Variants in CACNG3 observed in about 807,000 individuals in gnomAD.
CACNG3 encodes the protein voltage-dependent calcium channel gamma-3 subunit.
In CACNG3, 3 loss-of-function variants were observed where a neutral mutation model predicts 28.5. The observed-to-expected ratio is 0.11, with a 90% CI of 0.05 to 0.27. The LOEUF (loss-of-function observed/expected upper bound fraction) is 0.27, where lower values mean the gene tolerates loss of function less well. CACNG3 is among the 10% of genes least tolerant of loss of function. The pLI is 1.00. For missense variants in CACNG3, 236 were observed against 414.4 expected, an observed-to-expected ratio of 0.57 and a Z score of 3.74; for synonymous variants, 174 against 162.2, an observed-to-expected ratio of 1.07 and a Z score of -0.55.
At chr16:24,304,619 G>A (rs1899160096) in intron 1 of CACNG3, among the ~76,000 whole-genome samples, 1 of 152,146 alleles carries the variant, frequency 6.6e-6, no homozygotes, top group Non-Finnish European at 1.5e-5. Context: ...TGTTGCCCAA[G>A]CTGGAGTGCA....
chr16:24,357,391 G>A (rs1482026721), intron 3 of CACNG3, among the ~76,000 whole-genome samples: 1 of 152,108 alleles, frequency 6.6e-6, no homozygotes, highest in Non-Finnish European at 1.5e-5. Flanking sequence ...TTTGGGTGGG[G>A]ACAGAGAGCC....
At chr16:24,347,070 C>T (rs775151801) in intron 2 of CACNG3, among the ~76,000 whole-genome samples, 5 of 152,182 alleles carry the variant, frequency 3.3e-5, no homozygotes, top group Non-Finnish European at 7.3e-5. Context: ...AATCCCAGCA[C>T]TCTGGGAGGC....
At chr16:24,317,520 A>G (rs1386546571) in intron 1 of CACNG3, among the ~76,000 whole-genome samples, 11 of 147,870 alleles carry the variant, frequency 7.4e-5, no homozygotes, top group African/African-American at 1.0e-4. Flanking sequence ...AGCTTGGGTG[A>G]CAGAGGGAGA....
At chr16:24,278,293 C>T (rs532060676) in intron 1 of CACNG3, among the ~76,000 whole-genome samples, 2 of 152,236 alleles carry the variant, frequency 1.3e-5, no homozygotes, top group African/African-American at 4.8e-5. Context: ...CTTGGGGGAA[C>T]ATCCATGCAT....
intron 1 of CACNG3, among the ~76,000 whole-genome samples, chr16:24,288,778 T>C (rs931956568): frequency 1.3e-5 from 2 of 152,094 alleles, no homozygotes; most frequent in Non-Finnish European, 2.9e-5. Flanking sequence ...AAAGCAAGGC[T>C]CCCATTTGTT....
chr16:24,283,208 G>T (rs1355720698), intron 1 of CACNG3, among the ~76,000 whole-genome samples: 3 of 152,010 alleles, frequency 2.0e-5, no homozygotes, highest in African/African-American at 7.2e-5. Context: ...ATTTGGTTTT[G>T]CTAGCAAATA....
At chr16:24,333,332 A>C (rs1020421321) in intron 1 of CACNG3, 1 of 152,176 alleles carries the variant, frequency 6.6e-6, no homozygotes, top group African/African-American at 2.4e-5. Context: ...AGTTGGAAGC[A>C]TGTTTTCGGA....
intron 1 of CACNG3, among the ~76,000 whole-genome samples, chr16:24,308,862 A>G (rs1024281785): frequency 1.1e-4 from 17 of 149,788 alleles, no homozygotes; most frequent in African/African-American, 4.0e-4. Context: ...AAAAAAAAAA[A>G]AAAAAGAAAA....
chr16:24,326,901 G>T (rs1217566618), intron 1 of CACNG3, among the ~76,000 whole-genome samples: 1 of 151,954 alleles, frequency 6.6e-6, no homozygotes, highest in East Asian at 1.9e-4. Flanking sequence ...CCATGATCTC[G>T]CTCCCCTGCC....
intron 1 of CACNG3, among the ~76,000 whole-genome samples, chr16:24,293,101 CG>C (rs1898986506): frequency 6.6e-6 from 1 of 152,226 alleles, no homozygotes; most frequent in Admixed American, 6.5e-5. Flanking sequence ...CCACTGAGGA[CG>C]TGGGCTCCCA....
chr16:24,347,454 G>A (rs1899885250), intron 2 of CACNG3, among the ~76,000 whole-genome samples: 2 of 152,208 alleles, frequency 1.3e-5, no homozygotes, highest in Admixed American at 6.5e-5. Flanking sequence ...TTTTTAGTCA[G>A]TTTAGGAGAA....
chr16:24,354,155 G>A (rs894503372), intron 2 of CACNG3, among the ~76,000 whole-genome samples: 3 of 152,088 alleles, frequency 2.0e-5, no homozygotes, highest in African/African-American at 7.2e-5. Context: ...TTGCACCACT[G>A]CACTCCAGCC....
At chr16:24,306,841 A>T (rs1484380521) in intron 1 of CACNG3, among the ~76,000 whole-genome samples, 1 of 152,158 alleles carries the variant, frequency 6.6e-6, no homozygotes, top group Non-Finnish European at 1.5e-5. Context: ...GTGAGGCTCC[A>T]GGAAGTTGAC....
intron 1 of CACNG3, 110 bp downstream of exon 1, chr16:24,257,075 T>A (rs1417349332): frequency 1.4e-6 from 1 of 719,834 alleles, no homozygotes; most frequent in African/African-American, 1.8e-5. Context: ...TTCAAATTAT[T>A]GCTGAGAATG....
At chr16:24,276,227 G>A (rs114143250) in intron 1 of CACNG3, among the ~76,000 whole-genome samples, 3,922 of 152,110 alleles carry the variant, frequency 0.026, 194 homozygotes, top group African/African-American at 0.09. Context: ...ACTATTTTTT[G>A]TTCTGGAAAA....
chr16:24,283,050 A>G lies in CACNG3; in HGVS notation c.211+26085A>G, dbSNP rs530232813. ...TTCCCGGGTAATTTTTTGTATTTTTAGTAGAGACGAGTTTTCACTGTGTTA... is the reference window on the plus strand; with the variant it reads ...TTCCCGGGTAATTTTTTGTATTTTTGGTAGAGACGAGTTTTCACTGTGTTA... On this transcript the variant is annotated intron_variant, in intron 1 of 3. Transcript: ENST00000005284. Among the ~76,000 whole-genome samples, 4 of 152,016 alleles carry G rather than the reference A, an allele frequency of 2.6e-5. No individual in the cohort carries two copies. The East Asian group carries it at 7.8e-4, about 30-fold the overall frequency.
At chr16:24,274,186 C>CAAAAAAAA (rs72368556) in intron 1 of CACNG3, among the ~76,000 whole-genome samples, 1 of 103,536 alleles carries the variant, frequency 9.7e-6, no homozygotes. Context: ...GACTCCATCT[C>CAAAAAAAA]AAAAAAAAAA....
rs113845733 is a variant in CACNG3 at position 24,341,890 on chromosome 16, G to A, written c.212-4844G>A. ...CGTCATCCAGGGATTCATTACTCCC[G>A]CATGGAAATGTGAGACAGAGGTCCC... On this transcript the variant is annotated intron_variant, in intron 1 of 3. Transcript: ENST00000005284. Among the ~76,000 whole-genome samples the A allele has an allele frequency of 4.0e-3, 608 of 152,312 alleles. 9 individuals carry two copies. The highest frequency in any genetic ancestry group is 0.032 in the Admixed American group (482 of 15,286).
intron 1 of CACNG3, among the ~76,000 whole-genome samples, chr16:24,296,282 G>A (rs2141357613): frequency 6.6e-6 from 1 of 152,354 alleles, no homozygotes; most frequent in East Asian, 1.9e-4. Flanking sequence ...TGCCCTGAGA[G>A]TCTACAACTT....
Sources: gnomAD v4.1 joint callset for allele counts (sites outside exome capture counted in the v4.1 genomes callset) on GRCh38, gnomAD v4.1.1 for gene constraint, MANE v1.5 for transcripts, NCBI Gene and HGNC (gene_info 2026-07-23, HGNC 2026-07-21) for gene names.